CBY3: variants seen among roughly 807,000 people sequenced by gnomAD.
CBY3 encodes the protein sperm annulus positioning complex subunit Chibby3.
In CBY3, 7 loss-of-function variants were observed where a neutral mutation model predicts 3.0. The ratio of observed to expected loss-of-function variants is 2.32; its 90% CI spans 1.32 to 4.35. The LOEUF is 4.35. Ranked by LOEUF, CBY3 falls within the 30% of genes most tolerant of loss-of-function variation. The pLI is 0.00. For missense variants in CBY3, 400 were observed against 336.4 expected (o/e 1.19, Z -1.48); for synonymous variants, 170 against 154.5 (o/e 1.10, Z -0.74).
chr5:179,680,781 A>T, intron 1 of CBY3, 92 bp downstream of exon 1: 1 of 982,012 alleles, frequency 1.0e-6, no homozygotes, highest in Admixed American at 2.2e-5. Context: ...GAAGAGAAAG[A>T]ACTAGAGCAG....
chr5:179,680,722 A>G (rs890028951), intron 1 of CBY3, 151 bp downstream of exon 1: 15 of 577,948 alleles, frequency 2.6e-5, no homozygotes, highest in African/African-American at 2.2e-4. Flanking sequence ...TTATGTGAAA[A>G]AGGGAGCTAT....
In CBY3 at chr5:179,678,777, G is replaced by C. The variant is rs1210880668; in HGVS notation, c.535C>G (p.Leu179Val). The change falls in exon 2 of 2, where the codon CTG (leucine) becomes GTG (valine). Residue 179 changes from leucine to valine, a missense_variant. Coordinates refer to ENST00000376974, the MANE Select transcript of CBY3 (RefSeq NM_001164444.2). ...SQVLLEENNY[L>V]KLQQELLIDM... ...ATGAGCAGTTCCTGCTGCAGCTTCA[G>C]GTAGTTGTTCTCCTCCAGCAACACT... 1 of 1,536,978 alleles carries C rather than the reference G, an allele frequency of 6.5e-7. No homozygotes were observed. Among genetic ancestry groups the C allele is most frequent in the Non-Finnish European group, 8.7e-7 (1 of 1,146,798 alleles).
At chr5:179,679,518 G>C (rs1225914292) in intron 1 of CBY3, among the ~76,000 whole-genome samples, 1 of 152,192 alleles carries the variant, frequency 6.6e-6, no homozygotes, top group Non-Finnish European at 1.5e-5. Flanking sequence ...CTTGTTCTGA[G>C]TTGCAGCTGG....
chr5:179,679,213 T>C lies in CBY3; in HGVS notation c.99A>G (p.Gln33=). The C allele has an allele frequency of 6.5e-7, 1 of 1,534,030 alleles. No individual in the cohort carries two copies. Among genetic ancestry groups the C allele is most frequent in the Non-Finnish European group, 8.7e-7 (1 of 1,146,538 alleles). The change falls in exon 2 of 2, where the codon CAA becomes CAG. Residue 33 remains glutamine (Q), a synonymous_variant. Coordinates refer to ENST00000376974, the MANE Select transcript of CBY3 (RefSeq NM_001164444.2). The part of the protein sequence containing the change: ...SSFWTSGLPR[Q]ERSTSRQRSR... Reference sequence around the variant, plus strand: ...AGCGCTGGCGACTCGTGCTGCGCTCTTGTCTCGGGAGCCCGGATGTCCAGA... The same window carrying C: ...AGCGCTGGCGACTCGTGCTGCGCTCCTGTCTCGGGAGCCCGGATGTCCAGA...
In CBY3 at chr5:179,679,089, TCTGCCACAGGCGGCTGG is replaced by T; in HGVS notation, c.206_222del (p.Ala69AspfsTer68). On this transcript the variant is annotated frameshift_variant, in exon 2 of 2. Transcript: ENST00000376974. LOFTEE classifies it low-confidence loss of function (END_TRUNC). ...TGATCGGCCCAAAACTGCTGCAGCG[TCTGCCACAGGCGGCTGG>T]CATGGCTCGTAGCCGAGCACTCGAA... 2 of 1,535,780 alleles carry T rather than the reference TCTGCCACAGGCGGCTGG, an allele frequency of 1.3e-6. No homozygotes were observed. The highest frequency in any genetic ancestry group is 1.2e-5 in the South Asian group (1 of 84,032).
chr5:179,679,504 G>C (rs1485830235), intron 1 of CBY3, among the ~76,000 whole-genome samples: 1 of 152,172 alleles, frequency 6.6e-6, no homozygotes, highest in African/African-American at 2.4e-5. Flanking sequence ...GACGGGAGGA[G>C]GGCCTTGTTC....
chr5:179,678,759 G>C lies in CBY3; in HGVS notation c.553C>G (p.Leu185Val). The change falls in exon 2 of 2, where the codon CTG becomes GTG. Residue 185 changes from leucine to valine, a missense_variant. By Grantham distance (32) the Leu-to-Val change is conservative. Coordinates refer to ENST00000376974, the MANE Select transcript of CBY3 (RefSeq NM_001164444.2). ...ENNYLKLQQE[L>V]LIDMLTETMA... ...GTCTCAGTCAGCATGTCTATGAGCA[G>C]TTCCTGCTGCAGCTTCAGGTAGTTG... 6.5e-7 allele frequency: 1 copy of C among 1,537,124 alleles called. No individual in the cohort carries two copies. Among genetic ancestry groups the C allele is most frequent in the Non-Finnish European group, 8.7e-7 (1 of 1,146,802 alleles).
In CBY3 at chr5:179,679,242, A is replaced by G. The variant is rs1472842269; in HGVS notation, c.70T>C (p.Ser24Pro). The G allele has an allele frequency of 6.5e-7, 1 of 1,529,212 alleles. No individual in the cohort carries two copies. Among genetic ancestry groups the G allele is most frequent in the Non-Finnish European group, 8.7e-7 (1 of 1,143,608 alleles). The allele number at this position is 1,529,212 out of a possible 1,614,324, so 94.7% of individuals were successfully genotyped here. A position where few individuals can be genotyped will look rare whatever the true frequency, so the allele number is the denominator to read the frequency against. Residue 24 changes from serine (S) to proline (P), a missense_variant, in exon 2 of 2, where the codon TCA becomes CCA. Coordinates refer to ENST00000376974, the MANE Select transcript of CBY3 (RefSeq NM_001164444.2). ...CTCGGGAGCCCGGATGTCCAGAATGATGAAGGCGAGCCAGGGGGCGCTGCT... is the reference window on the plus strand; with the variant it reads ...CTCGGGAGCCCGGATGTCCAGAATGGTGAAGGCGAGCCAGGGGGCGCTGCT... ...GDAAPPGSPSSFWTSGLPRQE... is the reference protein window; with the variant it reads ...GDAAPPGSPSPFWTSGLPRQE...
At chr5:179,680,566 A>G (rs1776036851) in intron 1 of CBY3, among the ~76,000 whole-genome samples, 1 of 152,114 alleles carries the variant, frequency 6.6e-6, no homozygotes, top group Non-Finnish European at 1.5e-5. Context: ...TAGGGCTCAA[A>G]GTATCAGGGA....
intron 1 of CBY3, among the ~76,000 whole-genome samples, chr5:179,680,367 A>G (rs776066198): frequency 1.1e-4 from 16 of 152,144 alleles, no homozygotes; most frequent in South Asian, 6.2e-4. Flanking sequence ...CTCATCATTC[A>G]GTCATTTGAT....
Position 179,678,877 on chromosome 5 carries a change from C to T in CBY3, c.435G>A (p.Leu145=), listed in dbSNP as rs1186402828. Residue 145 remains leucine (L), a synonymous_variant, in exon 2 of 2, where the codon CTG becomes CTA. Coordinates refer to ENST00000376974, the MANE Select transcript of CBY3 (RefSeq NM_001164444.2). ...RGGRWTTESQ[L]ARTRSPLLSR... is the part of the protein sequence containing the mutation. ...AGAGCAGCGGCGACCGCGTCCTCGCCAGCTGGCTCTCAGTGGTCCACCGCC... is the reference window on the plus strand; with the variant it reads ...AGAGCAGCGGCGACCGCGTCCTCGCTAGCTGGCTCTCAGTGGTCCACCGCC... The T allele has an allele frequency of 2.0e-6, 3 of 1,536,208 alleles. No homozygotes were observed. Among genetic ancestry groups the T allele is most frequent in the Admixed American group, 3.9e-5 (2 of 50,946 alleles).
intron 1 of CBY3, among the ~76,000 whole-genome samples, chr5:179,680,261 AAG>A (rs1776028543): frequency 6.6e-6 from 1 of 152,130 alleles, no homozygotes; most frequent in South Asian, 2.1e-4. Flanking sequence ...TTTTGTGGGT[AAG>A]AGGGAACTGC....
intron 1 of CBY3, among the ~76,000 whole-genome samples, chr5:179,679,910 C>T (rs1438769955): frequency 2.7e-5 from 4 of 149,438 alleles, no homozygotes; most frequent in Admixed American, 2.0e-4. Flanking sequence ...CCACCCAACT[C>T]GGCCTCCCAA....
intron 1 of CBY3, 35 bp from the exon 2 acceptor site, chr5:179,679,300 G>C (rs1775992247): frequency 6.9e-7 from 1 of 1,457,506 alleles, no homozygotes. Flanking sequence ...CAGCGTGCTT[G>C]GTACAGGCCG....
At position 179,678,668 on chromosome 5, in the gene CBY3, C is replaced by T; in HGVS notation, c.644G>A (p.Arg215His). Reference sequence around the variant, plus strand: ...CTTGCGCATCTTCCTCTGCCCGGCGCGCGCCGCAGCCGTCGGGATCACCTC... The same window carrying T: ...CTTGCGCATCTTCCTCTGCCCGGCGTGCGCCGCAGCCGTCGGGATCACCTC... ...NPEVIPTAAA[R>H]AGQRKMRKRA... Residue 215 changes from arginine to histidine, a missense_variant, in exon 2 of 2, where the codon CGC (arginine) becomes CAC (histidine). Arg to His is a conservative substitution (Grantham distance 29). Transcript: ENST00000376974. 2 of 1,535,592 alleles carry T rather than the reference C, an allele frequency of 1.3e-6. No homozygotes were observed. The highest frequency in any genetic ancestry group is 1.7e-6 in the Non-Finnish European group (2 of 1,145,902).
At position 179,678,675 on chromosome 5, in the gene CBY3, C is replaced by G; in HGVS notation, c.637G>C (p.Ala213Pro). ...ATCTTCCTCTGCCCGGCGCGCGCCG[C>G]AGCCGTCGGGATCACCTCGGGGTTG... ...QRNPEVIPTAAARAGQRKMRK... is the reference protein window; with the variant it reads ...QRNPEVIPTAPARAGQRKMRK... The change falls in exon 2 of 2, where the codon GCG (alanine) becomes CCG (proline). Residue 213 changes from alanine (A) to proline (P), a missense_variant. Physicochemically the swap from Ala to Pro is conservative, Grantham distance 27. Coordinates refer to ENST00000376974, the MANE Select transcript of CBY3 (RefSeq NM_001164444.2). The G allele has an allele frequency of 6.5e-7, 1 of 1,535,822 alleles. No individual in the cohort carries two copies.
rs929181170 is a variant in CBY3 at position 179,678,562 on chromosome 5, C to A, written c.*21G>T. 1.4e-6 allele frequency: 2 copies of A among 1,467,654 alleles called. No individual in the cohort carries two copies. Among genetic ancestry groups the A allele is most frequent in the Non-Finnish European group, 1.8e-6 (2 of 1,110,536 alleles). The allele number at this position is 1,467,654 out of a possible 1,614,324, so 90.9% of individuals were successfully genotyped here. ...AGACCCGAGGCGTGAGGCGCGCATG[C>A]GTAGCGCGGCCTTTATTGCGTCACT... is the stretch of plus-strand genomic sequence containing the variant. On this transcript the variant is annotated 3_prime_UTR_variant, in exon 2 of 2. Coordinates refer to ENST00000376974, the MANE Select transcript of CBY3 (RefSeq NM_001164444.2).
In CBY3 at chr5:179,680,907, G is replaced by A. The variant is rs1776047400; in HGVS notation, c.12C>T (p.Ser4=). 2 of 1,536,674 alleles carry A rather than the reference G, an allele frequency of 1.3e-6. No homozygotes were observed. Among genetic ancestry groups the A allele is most frequent in the Admixed American group, 3.9e-5 (2 of 50,950 alleles). Residue 4 remains serine, a synonymous_variant, in exon 1 of 2, where the codon TCC becomes TCT. Coordinates refer to ENST00000376974, the MANE Select transcript of CBY3 (RefSeq NM_001164444.2). ...GATCTGGTTCAGGGAGATGGTCTCT[G>A]GAAGCCCACATCCAGGCCCACCCTT... MWA[S]RDHLPEPDLG... is the part of the protein sequence containing the mutation.
chr5:179,680,507 G>A (rs969950273), intron 1 of CBY3, among the ~76,000 whole-genome samples: 3 of 152,136 alleles, frequency 2.0e-5, no homozygotes, highest in Admixed American at 2.0e-4. Flanking sequence ...CCACAGTCCA[G>A]TGTGTTCACT....
Sources: allele counts gnomAD v4.1 joint callset (sites outside exome capture counted in the v4.1 genomes callset), GRCh38; gene constraint gnomAD v4.1.1; transcripts MANE v1.5; gene names NCBI Gene and HGNC (gene_info 2026-07-23, HGNC 2026-07-21).